Variants in RASGRF2 observed in about 807,000 individuals in gnomAD.
RASGRF2 encodes Ras protein specific guanine nucleotide releasing factor 2, also known as ras-specific guanine nucleotide-releasing factor 2.
RASGRF2 carries 76 observed loss-of-function variants against 151.0 expected under a neutral mutation model. The ratio of observed to expected loss-of-function variants is 0.50; its 90% confidence interval spans 0.42 to 0.61. The LOEUF is 0.61. Ranked by LOEUF, RASGRF2 falls within the 20% of genes least tolerant of loss-of-function variation. The pLI is 0.00. For missense variants in RASGRF2, 1,148 were observed against 1,564.6 expected (o/e 0.73, Z 4.49); for synonymous variants, 504 against 566.5 (o/e 0.89, Z 1.57).
At chr5:80,964,015 T>C (rs1022553956) in intron 1 of RASGRF2, among the ~76,000 whole-genome samples, 2 of 142,602 alleles carry the variant, frequency 1.4e-5, no homozygotes, top group South Asian at 2.2e-4. Flanking sequence ...TTTTTTTTTT[T>C]ACACTTGGAC....
chr5:81,167,568 G>C (rs1345859335), intron 17 of RASGRF2, among the ~76,000 whole-genome samples: 1 of 152,198 alleles, frequency 6.6e-6, no homozygotes, highest in East Asian at 1.9e-4. Context: ...AGTGATAGTG[G>C]TGTTCTCCTC....
intron 26 of RASGRF2, among the ~76,000 whole-genome samples, chr5:81,225,216 A>G (rs1755946252): frequency 6.6e-6 from 1 of 152,222 alleles, no homozygotes; most frequent in African/African-American, 2.4e-5. Flanking sequence ...CTCAACATCT[A>G]TCAATATGAG....
At chr5:80,961,136 C>T (rs534886581) in intron 1 of RASGRF2, 110 bp downstream of exon 1, 239 of 1,218,176 alleles carry the variant, frequency 2.0e-4, no homozygotes, top group Non-Finnish European at 2.4e-4. Context: ...GGGGACTATG[C>T]TCCGAAATCC....
At chr5:81,155,576 G>T (rs1424359589) in intron 17 of RASGRF2, among the ~76,000 whole-genome samples, 1 of 151,896 alleles carries the variant, frequency 6.6e-6, no homozygotes, top group Non-Finnish European at 1.5e-5. Flanking sequence ...ACAACTTTAC[G>T]CAAACAAATG....
At chr5:81,033,662 G>T (rs1239820123) in intron 1 of RASGRF2, among the ~76,000 whole-genome samples, 12 of 151,902 alleles carry the variant, frequency 7.9e-5, no homozygotes, top group African/African-American at 2.7e-4. Flanking sequence ...ATGGATTAAA[G>T]ACTTAAATGT....
chr5:80,960,808 A>G lies in RASGRF2; in HGVS notation c.70A>G (p.Thr24Ala). 2 of 1,613,602 alleles carry G rather than the reference A, an allele frequency of 1.2e-6. No individual in the cohort carries two copies. The highest frequency in any genetic ancestry group is 1.7e-6 in the Non-Finnish European group (2 of 1,179,742). Reference protein sequence around the residue: ...YLAFLARKEGTKRGFLSKKTA... With the variant: ...YLAFLARKEGAKRGFLSKKTA... ...GGCCTTTCTGGCGCGCAAGGAGGGC[A>G]CCAAGCGCGGCTTCCTGAGTAAGAA... Residue 24 changes from threonine (T) to alanine (A), a missense_variant, in exon 1 of 27, where the codon ACC becomes GCC. Physicochemically the swap from Thr to Ala is moderately conservative, Grantham distance 58 (BLOSUM62 0). Transcript: ENST00000265080. This position sits in a 1 kb window ranked among gnomAD's most constrained non-coding sequence, Gnocchi z 5.5.
At chr5:80,976,169 TA>T (rs1748108245) in intron 1 of RASGRF2, among the ~76,000 whole-genome samples, 1 of 152,228 alleles carries the variant, frequency 6.6e-6, no homozygotes, top group East Asian at 1.9e-4. Flanking sequence ...TGTAGGCCTG[TA>T]GTATACTAAC....
chr5:80,967,210 G>A (rs959767324), intron 1 of RASGRF2, among the ~76,000 whole-genome samples: 8 of 152,128 alleles, frequency 5.3e-5, no homozygotes, highest in African/African-American at 1.7e-4. Flanking sequence ...CCAACATGGC[G>A]AAACCCTGTC....
intron 1 of RASGRF2, among the ~76,000 whole-genome samples, chr5:81,015,231 G>T (rs1446505742): frequency 6.6e-6 from 1 of 152,094 alleles, no homozygotes; most frequent in African/African-American, 2.4e-5. Context: ...AAACATACGT[G>T]TGCATGTGTC....
At chr5:81,160,796 A>G (rs1201280200) in intron 17 of RASGRF2, among the ~76,000 whole-genome samples, 1 of 150,428 alleles carries the variant, frequency 6.6e-6, no homozygotes, top group Non-Finnish European at 1.5e-5. Flanking sequence ...GCTTGAGGCC[A>G]GGTGGTTGAG....
intron 10 of RASGRF2, 69 bp downstream of exon 10, chr5:81,093,030 G>T (rs1752435452): frequency 7.0e-7 from 1 of 1,430,744 alleles, no homozygotes; most frequent in African/African-American, 1.4e-5. Flanking sequence ...TAACTCATTT[G>T]AGACTTTCCC....
chr5:81,076,002 A>G (rs1180545699), intron 5 of RASGRF2, among the ~76,000 whole-genome samples: 2 of 152,166 alleles, frequency 1.3e-5, no homozygotes, highest in Non-Finnish European at 2.9e-5. Flanking sequence ...GTCAATGAAA[A>G]CCAGAAGAGT....
chr5:81,225,565 A>G, intron 26 of RASGRF2, 113 bp from the exon 27 acceptor site: 2 of 1,444,842 alleles, frequency 1.4e-6, no homozygotes, highest in Non-Finnish European at 1.8e-6. Context: ...TTTTGGTCAA[A>G]TAAGATTTTT....
Position 81,078,849 on chromosome 5 carries a change from G to A in RASGRF2, c.888-1272G>A, listed in dbSNP as rs79496583. The stretch of plus-strand genomic sequence containing the variant: ...GCTTACAGAATCTGTTGGAAAGGCT[G>A]GGGGAGTAAAGTCAGGGAGCAGCCC... On this transcript the variant is annotated intron_variant, in intron 5 of 26. Transcript: ENST00000265080. Among the ~76,000 whole-genome samples, 935 of 152,290 alleles carry A rather than the reference G, an allele frequency of 6.1e-3. 32 individuals carry two copies. In the East Asian group the frequency reaches 0.11, roughly 18 times the overall value.
At chr5:81,065,945 G>A (rs1038220413) in intron 2 of RASGRF2, among the ~76,000 whole-genome samples, 9 of 152,270 alleles carry the variant, frequency 5.9e-5, no homozygotes, top group Admixed American at 2.6e-4. Flanking sequence ...GGAGGGGGAC[G>A]TTGGTGATGA....
chr5:80,984,184 C>T (rs1354266200), intron 1 of RASGRF2, among the ~76,000 whole-genome samples: 1 of 152,168 alleles, frequency 6.6e-6, no homozygotes, highest in Non-Finnish European at 1.5e-5. Flanking sequence ...CCTCAGTCTC[C>T]CGAGTAGCTG....
At position 81,123,628 on chromosome 5, in the gene RASGRF2, A is replaced by G; in HGVS notation, c.2471-14A>G. On this transcript the variant is annotated splice_polypyrimidine_tract_variant and intron_variant, in intron 15 of 26. Coordinates refer to ENST00000265080, the MANE Select transcript of RASGRF2 (RefSeq NM_006909.3). Reference sequence around the variant, plus strand: ...CATGGCCTGGTTGTTAAAATTCATGATGTTTTCAAGCAGCAGTCCTAGAGT... The same window carrying G: ...CATGGCCTGGTTGTTAAAATTCATGGTGTTTTCAAGCAGCAGTCCTAGAGT... 2.5e-6 allele frequency: 4 copies of G among 1,604,480 alleles called. No homozygotes were observed. Among genetic ancestry groups the G allele is most frequent in the Non-Finnish European group, 3.4e-6 (4 of 1,176,164 alleles).
chr5:81,208,277 C>A, intron 21 of RASGRF2, 77 bp from the exon 22 acceptor site: 1 of 1,233,220 alleles, frequency 8.1e-7, no homozygotes, highest in Non-Finnish European at 1.2e-6. Context: ...TTCTAATATT[C>A]GTGACAACTG....
rs1756063480 is a variant in RASGRF2, at chr5:81,229,333, A to G, written c.*3563A>G. On this transcript the variant is annotated 3_prime_UTR_variant, in exon 27 of 27. Coordinates refer to ENST00000265080, the MANE Select transcript of RASGRF2 (RefSeq NM_006909.3). ...AGCCAGGCTAATGTGCACAGAGGGA[A>G]TCAATAAATAAAACTCTTTTTCATT... The G allele has an allele frequency of 6.6e-6, 1 of 152,232 alleles. No individual in the cohort carries two copies. The highest frequency in any genetic ancestry group is 2.1e-4 in the South Asian group (1 of 4,838). The allele number at this position is 152,232 out of a possible 1,614,324, so 9.4% of individuals were successfully genotyped here. A position where few individuals can be genotyped will look rare whatever the true frequency, so the allele number is the denominator to read the frequency against.
Sources: gnomAD v4.1 joint callset for allele counts (sites outside exome capture counted in the v4.1 genomes callset) on GRCh38, gnomAD v4.1.1 for gene constraint, Gnocchi (gnomAD v3.1) non-coding constraint, MANE v1.5 for transcripts, NCBI Gene and HGNC (gene_info 2026-07-23, HGNC 2026-07-21) for gene names.